MTUS2: variants seen among roughly 807,000 people sequenced by gnomAD.
MTUS2 encodes microtubule-associated tumor suppressor candidate 2.
In MTUS2, 40 loss-of-function variants were observed where a neutral mutation model predicts 114.1. That is an observed-to-expected ratio of 0.35 (90% confidence interval 0.27 to 0.46). The LOEUF is 0.46. Among genes scored for constraint, MTUS2 ranks in the 20% least tolerant of loss-of-function variants. The probability of loss-of-function intolerance (pLI) is 1.00; values close to 1 mark genes in which losing one functional copy is unlikely to be tolerated. For missense variants in MTUS2, 1,679 were observed against 1,705.4 expected (o/e 0.98, Z 0.27); for synonymous variants, 688 against 672.0 (o/e 1.02, Z -0.37).
intron 5 of MTUS2, among the ~76,000 whole-genome samples, chr13:29,232,095 C>G (rs1896346218): frequency 6.6e-6 from 1 of 152,118 alleles, no homozygotes; most frequent in African/African-American, 2.4e-5. Flanking sequence ...CATGCCCTGT[C>G]TAAAGGTGCA....
At chr13:28,861,972 G>A (rs1470713044) in intron 2 of MTUS2, among the ~76,000 whole-genome samples, 1 of 152,136 alleles carries the variant, frequency 6.6e-6, no homozygotes, top group African/African-American at 2.4e-5. Flanking sequence ...CCAAAAATGT[G>A]TGGGAAAGAA....
At chr13:29,321,346 G>T (rs1326339311) in intron 6 of MTUS2, among the ~76,000 whole-genome samples, 1 of 152,180 alleles carries the variant, frequency 6.6e-6, no homozygotes, top group Non-Finnish European at 1.5e-5. Context: ...AGCATTTCTA[G>T]ACACTCAGGG....
chr13:29,081,024 C>G (rs573442583), intron 4 of MTUS2, among the ~76,000 whole-genome samples: 1 of 152,240 alleles, frequency 6.6e-6, no homozygotes, highest in East Asian at 1.9e-4. Flanking sequence ...CGCGCCTGGC[C>G]CCAGATGTTA....
chr13:29,294,195 A>G (rs985092056), intron 6 of MTUS2, among the ~76,000 whole-genome samples: 3 of 152,104 alleles, frequency 2.0e-5, no homozygotes, highest in African/African-American at 7.2e-5. Flanking sequence ...ATATTGGTAT[A>G]TTTCCTTCCA....
chr13:29,235,468 A>G (rs751292068), intron 5 of MTUS2, among the ~76,000 whole-genome samples: 39 of 152,294 alleles, frequency 2.6e-4, no homozygotes, highest in South Asian at 6.2e-4. Context: ...CTCTTAAATA[A>G]TATTCAAAAA....
chr13:29,239,258 C>T (rs898892275), intron 5 of MTUS2: 2 of 152,154 alleles, frequency 1.3e-5, no homozygotes, highest in Non-Finnish European at 2.9e-5. Flanking sequence ...CTCAGTAAAG[C>T]TGGGAAGAAA....
chr13:29,370,329 G>C (rs992840749), intron 8 of MTUS2, among the ~76,000 whole-genome samples: 2 of 152,142 alleles, frequency 1.3e-5, no homozygotes, highest in African/African-American at 4.8e-5. Context: ...GGGTGTGGTG[G>C]TGTGCATCTG....
intron 2 of MTUS2, among the ~76,000 whole-genome samples, chr13:28,969,507 T>C (rs928278282): frequency 2.6e-5 from 4 of 152,078 alleles, no homozygotes; most frequent in African/African-American, 4.8e-5. Context: ...ATTTTATTTA[T>C]TTATTTATTT....
intron 2 of MTUS2, among the ~76,000 whole-genome samples, chr13:29,012,898 C>G (rs1451143197): frequency 6.6e-6 from 1 of 152,112 alleles, no homozygotes; most frequent in African/African-American, 2.4e-5. Context: ...TGGGTCCAAC[C>G]TCAGTTGCGT....
chr13:28,898,040 T>TA (rs1353391333), intron 2 of MTUS2, among the ~76,000 whole-genome samples: 4 of 151,538 alleles, frequency 2.6e-5, no homozygotes, highest in African/African-American at 9.7e-5. Flanking sequence ...CCCTAAAACT[T>TA]AAAGTATAAA....
At chr13:29,106,291 G>A (rs1288737205) in intron 5 of MTUS2, among the ~76,000 whole-genome samples, 1 of 152,190 alleles carries the variant, frequency 6.6e-6, no homozygotes, top group Non-Finnish European at 1.5e-5. Context: ...TTCTCTGGAA[G>A]TTGCTCTATC....
At chr13:29,483,090 C>T (rs1160731691) in intron 10 of MTUS2, among the ~76,000 whole-genome samples, 1 of 152,192 alleles carries the variant, frequency 6.6e-6, no homozygotes, top group East Asian at 1.9e-4. Flanking sequence ...ACTCTTGGGG[C>T]CTCCTTCTCA....
At chr13:29,370,546 T>G (rs892640853) in intron 8 of MTUS2, among the ~76,000 whole-genome samples, 5 of 152,200 alleles carry the variant, frequency 3.3e-5, no homozygotes, top group Non-Finnish European at 7.3e-5. Context: ...GAGTGGACTC[T>G]TGATATATTT....
intron 6 of MTUS2, among the ~76,000 whole-genome samples, chr13:29,287,550 C>T (rs1017878666): frequency 6.6e-6 from 1 of 152,126 alleles, no homozygotes; most frequent in South Asian, 2.1e-4. Flanking sequence ...CCTCACTGAA[C>T]ACATGTGTGT....
At chr13:29,367,645 C>G (rs1266006727) in intron 8 of MTUS2, among the ~76,000 whole-genome samples, 1 of 152,142 alleles carries the variant, frequency 6.6e-6, no homozygotes, top group Non-Finnish European at 1.5e-5. Context: ...AGGGCAGATA[C>G]AGAGCCTGAG....
chr13:28,897,859 A>G (rs556826749), intron 2 of MTUS2, among the ~76,000 whole-genome samples: 1 of 142,522 alleles, frequency 7.0e-6, no homozygotes, highest in South Asian at 2.4e-4. Flanking sequence ...CAATGAGAAC[A>G]TGGACACAAG....
chr13:29,059,403 T>G (rs901200475), intron 4 of MTUS2, among the ~76,000 whole-genome samples: 3 of 152,156 alleles, frequency 2.0e-5, no homozygotes, highest in Non-Finnish European at 2.9e-5. Context: ...GGCTCCCTGA[T>G]GCAGGAGTCG....
At chr13:29,379,548 C>G (rs576064409) in intron 8 of MTUS2, among the ~76,000 whole-genome samples, 3 of 152,332 alleles carry the variant, frequency 2.0e-5, no homozygotes, top group East Asian at 3.9e-4. Flanking sequence ...GGCAACTCCT[C>G]TGGGTCCCTC....
intron 4 of MTUS2, among the ~76,000 whole-genome samples, chr13:29,087,027 A>G (rs1366697692): frequency 6.6e-6 from 1 of 152,180 alleles, no homozygotes; most frequent in Non-Finnish European, 1.5e-5. Flanking sequence ...TTTTCTAGGT[A>G]TAGAATCATA....
Sources: allele counts gnomAD v4.1 joint callset (sites outside exome capture counted in the v4.1 genomes callset), GRCh38; gene constraint gnomAD v4.1.1; transcripts MANE v1.5; gene names NCBI Gene and HGNC (gene_info 2026-07-23, HGNC 2026-07-21).